CEP112: variants seen among roughly 807,000 people sequenced by gnomAD.
CEP112 encodes centrosomal protein of 112 kDa.
CEP112 carries 127 observed loss-of-function variants against 153.0 expected under a neutral mutation model. That is an observed-to-expected ratio of 0.83 (90% CI 0.72 to 0.96). CEP112 has a LOEUF of 0.96. Among genes scored for constraint, CEP112 ranks in the 40% least tolerant of loss-of-function variants. The pLI, the probability that CEP112 is intolerant of heterozygous loss-of-function variation, is 0.00. For missense variants in CEP112, 1,089 were observed against 1,101.2 expected (o/e 0.99, Z 0.16); for synonymous variants, 358 against 374.4 (o/e 0.96, Z 0.51).
At chr17:66,131,683 G>A (rs2070173670) in intron 5 of CEP112, among the ~76,000 whole-genome samples, 2 of 152,146 alleles carry the variant, frequency 1.3e-5, no homozygotes, top group African/African-American at 4.8e-5. Flanking sequence ...GGAGCTTGCA[G>A]TGAGCCGAGA....
chr17:65,965,905 G>A (rs1382352734), intron 17 of CEP112, among the ~76,000 whole-genome samples: 1 of 152,088 alleles, frequency 6.6e-6, no homozygotes, highest in Admixed American at 6.5e-5. Flanking sequence ...TTTCTACATG[G>A]TAATGAAGCA....
At chr17:65,751,699 A>G (rs2145262706) in intron 21 of CEP112, among the ~76,000 whole-genome samples, 1 of 152,188 alleles carries the variant, frequency 6.6e-6, no homozygotes, top group South Asian at 2.1e-4. Context: ...AATTTCCTCA[A>G]CTTTTACCTA....
intron 5 of CEP112, among the ~76,000 whole-genome samples, chr17:66,130,564 A>G (rs2070095044): frequency 6.6e-6 from 1 of 152,052 alleles, no homozygotes; most frequent in Non-Finnish European, 1.5e-5. Flanking sequence ...TCACGAGGTC[A>G]GGAGATCAAG....
chr17:65,982,317 CT>C (rs2063258301), intron 17 of CEP112, among the ~76,000 whole-genome samples: 2 of 152,162 alleles, frequency 1.3e-5, no homozygotes, highest in Non-Finnish European at 2.9e-5. Flanking sequence ...GAAAAATGTG[CT>C]TTATGATAGC....
chr17:65,766,561 A>C (rs1054134370), intron 21 of CEP112, among the ~76,000 whole-genome samples: 8 of 152,330 alleles, frequency 5.3e-5, no homozygotes, highest in African/African-American at 1.9e-4. Flanking sequence ...AAATGGATTA[A>C]ATTTTCCAAT....
At chr17:65,983,016 A>G (rs1364334286) in intron 17 of CEP112, among the ~76,000 whole-genome samples, 1 of 152,210 alleles carries the variant, frequency 6.6e-6, no homozygotes, top group Non-Finnish European at 1.5e-5. Flanking sequence ...GGAAAGATAA[A>G]TCCCTAGAGA....
intron 20 of CEP112, among the ~76,000 whole-genome samples, chr17:65,860,384 A>C (rs2058275296): frequency 7.5e-6 from 1 of 134,188 alleles, no homozygotes; most frequent in African/African-American, 2.5e-5. Context: ...AAGTCCAATT[A>C]AAACTTCAAG....
At chr17:66,013,612 C>G (rs2064636453) in intron 16 of CEP112, among the ~76,000 whole-genome samples, 1 of 152,112 alleles carries the variant, frequency 6.6e-6, no homozygotes, top group Non-Finnish European at 1.5e-5. Flanking sequence ...TTAAATGGGC[C>G]AAAGTGTTCC....
At position 66,067,016 on chromosome 17, in the gene CEP112, AAC is replaced by A. The variant is rs60964018; in HGVS notation, c.856-141_856-140del. 1,991 of 264,874 alleles carry A rather than the reference AAC, an allele frequency of 7.5e-3. 28 individuals carry two copies. Among genetic ancestry groups the A allele is most frequent in the African/African-American group, 0.035 (1,529 of 43,666 alleles). 16.4% of individuals were successfully genotyped at this position (264,874 alleles called of 1,614,324 possible). On this transcript the variant is annotated intron_variant, in intron 9 of 26. Coordinates refer to ENST00000535342, the MANE Select transcript of CEP112 (RefSeq NM_001199165.4). ...AATATGACTACACTGTGAAATTATA[AAC>A]ACACACACACACACACACACACACA...
intron 4 of CEP112, among the ~76,000 whole-genome samples, chr17:66,170,931 C>G (rs1302792615): frequency 6.6e-6 from 1 of 151,930 alleles, no homozygotes; most frequent in South Asian, 2.1e-4. Context: ...AAGAAGAGAA[C>G]CAGGACAGGA....
At chr17:65,950,702 G>T (rs11871434) in intron 18 of CEP112, among the ~76,000 whole-genome samples, 17,001 of 77,564 alleles carry the variant, frequency 0.22, 1,115 homozygotes, top group South Asian at 0.44. Flanking sequence ...TACATTACTA[G>T]TAGTAGTAGT....
chr17:66,029,856 T>A lies in CEP112; in HGVS notation c.1373+13A>T. ...ATAGCTACACCTGATAAATATCTGA[T>A]TTCAGACAATACCTTGCCTTTACTT... On this transcript the variant is annotated intron_variant, in intron 13 of 26. Transcript: ENST00000535342. 6.2e-7 allele frequency: 1 copy of A among 1,609,500 alleles called. No individual in the cohort carries two copies. Among genetic ancestry groups the A allele is most frequent in the Non-Finnish European group, 8.5e-7 (1 of 1,176,816 alleles).
At chr17:66,104,456 T>G (rs931360816) in intron 6 of CEP112, among the ~76,000 whole-genome samples, 2 of 152,188 alleles carry the variant, frequency 1.3e-5, no homozygotes, top group Non-Finnish European at 2.9e-5. Context: ...CCTTGGTCTC[T>G]GAATGCTCAG....
rs528782427 is a variant in CEP112, at chr17:65,910,081, G to A, written c.1981-7747C>T. ...AAGGAGTTAGAGTTCACAGAAAAAA[G>A]AAAACACTCTCTAATACACAGAAAA... On this transcript the variant is annotated intron_variant, in intron 19 of 26. Coordinates refer to ENST00000535342, the MANE Select transcript of CEP112 (RefSeq NM_001199165.4). 2.6e-5 allele frequency among the ~76,000 whole-genome samples: 4 copies of A among 152,202 alleles called. No homozygotes were observed. In the East Asian group the frequency reaches 7.7e-4, roughly 29 times the overall value.
chr17:66,163,590 G>A (rs1457923753), intron 4 of CEP112, among the ~76,000 whole-genome samples: 1 of 151,830 alleles, frequency 6.6e-6, no homozygotes, highest in Non-Finnish European at 1.5e-5. Flanking sequence ...GAAAAAAAAT[G>A]AGATGCTTAA....
intron 21 of CEP112, among the ~76,000 whole-genome samples, chr17:65,773,971 C>T (rs2053529880): frequency 6.6e-6 from 1 of 151,880 alleles, no homozygotes; most frequent in Admixed American, 6.6e-5. Flanking sequence ...CCTGTAATCC[C>T]AGCTACTTGG....
At chr17:66,055,976 T>C (rs982418924) in intron 11 of CEP112, among the ~76,000 whole-genome samples, 2 of 152,074 alleles carry the variant, frequency 1.3e-5, no homozygotes, top group Non-Finnish European at 2.9e-5. Context: ...TGAATTGGAG[T>C]CCAGGTCACT....
At position 65,642,759 on chromosome 17, in the gene CEP112, T is replaced by G. The variant is rs527384421; in HGVS notation, c.2698-1694A>C. Among the ~76,000 whole-genome samples the G allele has an allele frequency of 4.6e-5, 7 of 152,322 alleles. No homozygotes were observed. In the South Asian group the frequency reaches 1.4e-3, roughly 32 times the overall value. On this transcript the variant is annotated intron_variant, in intron 24 of 26. Coordinates refer to ENST00000535342, the MANE Select transcript of CEP112 (RefSeq NM_001199165.4). ...AAGGAAAAATGCAAAGCAAAACGCA[T>G]GCTTTATAAACCAGACCTCAGGGTA...
chr17:65,804,308 T>C (rs970230803), intron 21 of CEP112: 1 of 152,154 alleles, frequency 6.6e-6, no homozygotes, highest in African/African-American at 2.4e-5. Flanking sequence ...TGTTTTGTAT[T>C]CTATGTCTAT....
Sources: allele counts gnomAD v4.1 joint callset (sites outside exome capture counted in the v4.1 genomes callset), GRCh38; gene constraint gnomAD v4.1.1; transcripts MANE v1.5; gene names NCBI Gene and HGNC (gene_info 2026-07-23, HGNC 2026-07-21).